Variants in LMO7 observed in about 807,000 individuals in gnomAD.
LMO7 encodes LIM domain only protein 7.
A neutral mutation model predicts 206.5 loss-of-function variants in LMO7; 120 were observed. The observed-to-expected ratio is 0.58, with a 90% CI of 0.50 to 0.68. The LOEUF is 0.68. LMO7 is among the 30% of genes least tolerant of loss of function. The pLI, the probability that LMO7 is intolerant of heterozygous loss-of-function variation, is 0.00. For missense variants in LMO7, 1,959 were observed against 1,957.9 expected (o/e 1.00, Z -0.01); for synonymous variants, 706 against 681.5 (o/e 1.04, Z -0.56).
chr13:75,732,953 C>T (rs552254063), intron 3 of LMO7, among the ~76,000 whole-genome samples: 13 of 152,294 alleles, frequency 8.5e-5, no homozygotes, highest in African/African-American at 2.6e-4. Flanking sequence ...TCGTGAACCG[C>T]GAATGCTGCT....
rs2045334482 is a variant in LMO7 at position 75,732,382 on chromosome 13, C to T, written c.210+5284C>T. On this transcript the variant is annotated intron_variant, in intron 3 of 30. Transcript: ENST00000377534. ...TGCTTCATTTCATTCATTTCATCTT[C>T]CATCACTGATACCCTTTCTTCCAGT... 4.0e-5 allele frequency among the ~76,000 whole-genome samples: 6 copies of T among 151,832 alleles called. No individual in the cohort carries two copies. The South Asian group carries it at 1.3e-3, about 32-fold the overall frequency.
chr13:75,817,196 T>C lies in LMO7; in HGVS notation c.1982T>C (p.Val661Ala). 5.6e-6 allele frequency: 9 copies of C among 1,613,838 alleles called. No individual in the cohort carries two copies. The highest frequency in any genetic ancestry group is 7.6e-6 in the Non-Finnish European group (9 of 1,179,762). Residue 661 changes from valine to alanine, a missense_variant, in exon 12 of 31, where the codon GTT becomes GCT. Transcript: ENST00000377534. ...ATGAGTGATGTCAGCGCAGAAGATG[T>C]TCAAAACTTGCGTCAGCTGCGTTAC... ...KSMSDVSAEDVQNLRQLRYEE... is the reference protein window; with the variant it reads ...KSMSDVSAEDAQNLRQLRYEE...
At chr13:75,808,319 A>G in intron 10 of LMO7, 120 bp downstream of exon 10, 1 of 1,157,160 alleles carries the variant, frequency 8.6e-7, no homozygotes, top group Non-Finnish European at 1.2e-6. Flanking sequence ...ATTTTGAAGC[A>G]TCCCGTAAAA....
At chr13:75,818,893 C>T (rs1040134608) in intron 12 of LMO7, among the ~76,000 whole-genome samples, 9 of 152,284 alleles carry the variant, frequency 5.9e-5, no homozygotes, top group Non-Finnish European at 1.2e-4. Flanking sequence ...GTGCCCTATG[C>T]ATGTGTGTAT....
intron 1 of LMO7, among the ~76,000 whole-genome samples, chr13:75,659,234 G>T (rs1489889357): frequency 6.6e-6 from 1 of 152,116 alleles, no homozygotes; most frequent in Non-Finnish European, 1.5e-5. Flanking sequence ...CATGTTTTGA[G>T]AATATTCATT....
At chr13:75,785,685 A>C (rs2052325036) in intron 4 of LMO7, among the ~76,000 whole-genome samples, 1 of 152,222 alleles carries the variant, frequency 6.6e-6, no homozygotes, top group Non-Finnish European at 1.5e-5. Flanking sequence ...GCATAGAATT[A>C]GTACTTTTAA....
chr13:75,674,080 A>C (rs1160799241), intron 1 of LMO7, among the ~76,000 whole-genome samples: 2 of 152,228 alleles, frequency 1.3e-5, no homozygotes, highest in Admixed American at 6.5e-5. Context: ...TGGTGTATTC[A>C]TTATCAAGTC....
intron 3 of LMO7, among the ~76,000 whole-genome samples, chr13:75,732,570 C>CAGGAGT (rs2045355742): frequency 6.6e-6 from 1 of 151,686 alleles, no homozygotes; most frequent in Admixed American, 6.6e-5. Context: ...TTTGGTTTGA[C>CAGGAGT]TTTCCTCCTG....
upstream of LMO7, chr13:75,636,275 CCGGGG>C: frequency 3.0e-6 from 3 of 1,010,834 alleles, no homozygotes; most frequent in Middle Eastern, 4.6e-4. Context: ...GTGGGGTGGG[CCGGGG>C]CGGGGCCACC....
intron 4 of LMO7, among the ~76,000 whole-genome samples, chr13:75,794,032 A>C (rs570157842): frequency 3.3e-5 from 5 of 152,200 alleles, no homozygotes; most frequent in Admixed American, 6.5e-5. Context: ...CATTACGTGG[A>C]TATGCCATAA....
chr13:75,859,150 C>A lies in LMO7; in HGVS notation c.*1207C>A, dbSNP rs1207475771. 6.6e-6 allele frequency: 1 copy of A among 152,104 alleles called. No individual in the cohort carries two copies. The highest frequency in any genetic ancestry group is 2.4e-5 in the African/African-American group (1 of 41,406). The allele number at this position is 152,104 out of a possible 1,614,324, so 9.4% of individuals were successfully genotyped here. Reference sequence around the variant, plus strand: ...AGCAAAAATTTAAACTTACTGGAATCTTTTATAATAATGTAAGTGGAATGG... The same window carrying A: ...AGCAAAAATTTAAACTTACTGGAATATTTTATAATAATGTAAGTGGAATGG... On this transcript the variant is annotated 3_prime_UTR_variant, in exon 31 of 31. Transcript: ENST00000377534.
intron 1 of LMO7, among the ~76,000 whole-genome samples, chr13:75,686,899 C>G (rs751780196): frequency 1.3e-5 from 2 of 152,106 alleles, no homozygotes; most frequent in Non-Finnish European, 2.9e-5. Context: ...TCCATGCGTC[C>G]TCACATAGCA....
At chr13:75,830,251 C>A (rs1422767608) in intron 15 of LMO7, among the ~76,000 whole-genome samples, 1 of 152,046 alleles carries the variant, frequency 6.6e-6, no homozygotes, top group East Asian at 1.9e-4. Context: ...CTGTAAGAAC[C>A]TGGGATTGGA....
In LMO7 at chr13:75,794,971, G is replaced by A. The variant is rs541715137; in HGVS notation, c.318-430G>A. On this transcript the variant is annotated intron_variant, in intron 4 of 30. Coordinates refer to ENST00000377534, the MANE Select transcript of LMO7 (RefSeq NM_001306080.2). ...ACCCCATCAGTGCAAAAAACCCCTC[G>A]CTTTTATTTTTCATTGTGTTTTTAA... is the stretch of plus-strand genomic sequence containing the variant. Among the ~76,000 whole-genome samples the A allele has an allele frequency of 6.6e-5, 10 of 151,786 alleles. No homozygotes were observed. In the East Asian group the frequency reaches 1.9e-3, roughly 29 times the overall value.
In LMO7 at chr13:75,636,729, G is replaced by A. The variant is rs775472023; in HGVS notation, c.69+3G>A. ...CTGAGGCTCAGAGATGGGTGGAGGTGAGTGCCTTTCACTGCTTTCCCTTCC... is the reference window on the plus strand; with the variant it reads ...CTGAGGCTCAGAGATGGGTGGAGGTAAGTGCCTTTCACTGCTTTCCCTTCC... On this transcript the variant is annotated splice_donor_region_variant and intron_variant, in intron 1 of 30. Coordinates refer to ENST00000377534, the MANE Select transcript of LMO7 (RefSeq NM_001306080.2). The A allele has an allele frequency of 6.2e-7, 1 of 1,604,648 alleles. No homozygotes were observed. Among genetic ancestry groups the A allele is most frequent in the Non-Finnish European group, 8.5e-7 (1 of 1,176,216 alleles).
chr13:75,835,624 T>C (rs1441239087), intron 18 of LMO7, among the ~76,000 whole-genome samples: 3 of 152,150 alleles, frequency 2.0e-5, no homozygotes, highest in African/African-American at 7.2e-5. Context: ...TAGACCCACC[T>C]CTCAGATCTT....
intron 2 of LMO7, among the ~76,000 whole-genome samples, chr13:75,721,948 A>C (rs573035446): frequency 6.6e-6 from 1 of 152,314 alleles, no homozygotes; most frequent in South Asian, 2.1e-4. Flanking sequence ...CAAAAACATA[A>C]AGTGGGGAAA....
intron 1 of LMO7, among the ~76,000 whole-genome samples, chr13:75,674,491 T>G (rs148707048): frequency 1.9e-4 from 29 of 152,314 alleles, no homozygotes; most frequent in African/African-American, 6.5e-4. Context: ...TTCAGAAACA[T>G]TTCTATGGAT....
At chr13:75,735,382 C>CAA (rs1243228127) in intron 3 of LMO7, among the ~76,000 whole-genome samples, 1 of 151,856 alleles carries the variant, frequency 6.6e-6, no homozygotes, top group East Asian at 1.9e-4. Flanking sequence ...CACACACACA[C>CAA]AACTTTCTAC....
Sources: allele counts gnomAD v4.1 joint callset (sites outside exome capture counted in the v4.1 genomes callset), GRCh38; gene constraint gnomAD v4.1.1; transcripts MANE v1.5; gene names NCBI Gene and HGNC (gene_info 2026-07-23, HGNC 2026-07-21).